PTPRD: variants seen among roughly 807,000 people sequenced by gnomAD.
PTPRD encodes the protein protein tyrosine phosphatase receptor type D.
A neutral mutation model predicts 214.5 loss-of-function variants in PTPRD; 34 were observed. The ratio of observed to expected loss-of-function variants is 0.16; its 90% CI spans 0.12 to 0.21. The LOEUF (loss-of-function observed/expected upper bound fraction) is 0.21, where lower values mean the gene tolerates loss of function less well. Among genes scored for constraint, PTPRD ranks in the 10% least tolerant of loss-of-function variants. The pLI, the probability that PTPRD is intolerant of heterozygous loss-of-function variation, is 1.00. For synonymous variants in PTPRD, 1,128 were observed against 845.7 expected, an observed-to-expected ratio of 1.33 and a Z score of -5.79; for missense variants, 2,545 against 2,398.7, an observed-to-expected ratio of 1.06 and a Z score of -1.27.
intron 3 of PTPRD, among the ~76,000 whole-genome samples, chr9:10,125,376 G>C (rs291301): frequency 6.7e-6 from 1 of 148,302 alleles, no homozygotes; most frequent in African/African-American, 2.5e-5. Context: ...TTTTCTTTTC[G>C]TTTTTATCTT....
chr9:9,322,957 T>C (rs374542993), intron 9 of PTPRD, among the ~76,000 whole-genome samples: 10 of 152,190 alleles, frequency 6.6e-5, no homozygotes, highest in African/African-American at 2.4e-4. Context: ...TCTATTCTGT[T>C]AGGTTTTTAA....
intron 4 of PTPRD, among the ~76,000 whole-genome samples, chr9:9,953,295 A>C (rs2093617479): frequency 6.6e-6 from 1 of 152,130 alleles, no homozygotes; most frequent in Non-Finnish European, 1.5e-5. Flanking sequence ...TATAGGCATG[A>C]ACAGAACAAA....
chr9:10,428,262 C>T (rs583709), intron 2 of PTPRD, among the ~76,000 whole-genome samples: 4,042 of 151,950 alleles, frequency 0.027, 166 homozygotes, highest in African/African-American at 0.091. Flanking sequence ...GATGTTGCAG[C>T]GAGCTGAGAT....
At chr9:10,360,693 T>C (rs928672202) in intron 2 of PTPRD, among the ~76,000 whole-genome samples, 1 of 152,216 alleles carries the variant, frequency 6.6e-6, no homozygotes, top group Non-Finnish European at 1.5e-5. Context: ...AAAGCTTTAT[T>C]TAGCACGGTT....
chr9:9,976,917 T>G (rs6477435), intron 4 of PTPRD, among the ~76,000 whole-genome samples: 116,033 of 151,792 alleles, frequency 0.76, 44,916 homozygotes, highest in Middle Eastern at 0.89. Flanking sequence ...GCGATTGGTT[T>G]GGCAATAAGG....
intron 26 of PTPRD, among the ~76,000 whole-genome samples, chr9:8,496,621 G>C (rs1404300180): frequency 6.6e-6 from 1 of 152,196 alleles, no homozygotes; most frequent in Admixed American, 6.5e-5. Context: ...TATGGGTAAA[G>C]TGAAGAACAG....
intron 24 of PTPRD, among the ~76,000 whole-genome samples, chr9:8,500,239 C>A (rs778449000): frequency 5.3e-5 from 8 of 151,536 alleles, no homozygotes; most frequent in Admixed American, 2.6e-4. Flanking sequence ...TCTTTTTAAA[C>A]GGCAGAATAA....
intron 2 of PTPRD, among the ~76,000 whole-genome samples, chr9:10,596,581 A>G (rs917978317): frequency 1.3e-4 from 19 of 151,756 alleles, no homozygotes; most frequent in African/African-American, 4.6e-4. Context: ...GGCATAATTT[A>G]ATGATTATAT....
At chr9:9,826,009 T>C (rs1383960252) in intron 5 of PTPRD, among the ~76,000 whole-genome samples, 1 of 151,900 alleles carries the variant, frequency 6.6e-6, no homozygotes, top group East Asian at 1.9e-4. Context: ...GCTTCCAATA[T>C]CAGCAGGAAA....
At chr9:8,416,142 G>C (rs899363956) in intron 35 of PTPRD, among the ~76,000 whole-genome samples, 10 of 152,102 alleles carry the variant, frequency 6.6e-5, no homozygotes, top group Middle Eastern at 3.4e-3. Context: ...CTTGGAAATA[G>C]CCTTAATATA....
intron 5 of PTPRD, among the ~76,000 whole-genome samples, chr9:9,935,865 G>C (rs915624843): frequency 3.4e-5 from 5 of 149,234 alleles, no homozygotes; most frequent in African/African-American, 1.0e-4. Flanking sequence ...GCATGGTACT[G>C]GTACCAAAAC....
chr9:9,846,578 A>G (rs2059571022), intron 5 of PTPRD, among the ~76,000 whole-genome samples: 2 of 152,304 alleles, frequency 1.3e-5, no homozygotes, highest in South Asian at 4.1e-4. Flanking sequence ...AACATGGTGT[A>G]CATAAAGAGT....
chr9:9,595,127 C>T (rs532324793), intron 7 of PTPRD, among the ~76,000 whole-genome samples: 4 of 151,460 alleles, frequency 2.6e-5, no homozygotes, highest in Non-Finnish European at 4.4e-5. Context: ...AACGCTTCTA[C>T]GCTGCTGATG....
At chr9:9,719,267 C>T (rs2097891521) in intron 7 of PTPRD, among the ~76,000 whole-genome samples, 1 of 152,106 alleles carries the variant, frequency 6.6e-6, no homozygotes, top group African/African-American at 2.4e-5. Flanking sequence ...AGCTCCTCTC[C>T]ACCATGTTCA....
At chr9:10,593,300 T>C (rs913936212) in intron 2 of PTPRD, among the ~76,000 whole-genome samples, 2 of 152,126 alleles carry the variant, frequency 1.3e-5, no homozygotes, top group Non-Finnish European at 1.5e-5. Context: ...GAGATACCCA[T>C]GCTGCTGTCC....
chr9:8,683,636 G>A (rs1032094827), intron 12 of PTPRD, among the ~76,000 whole-genome samples: 2 of 152,108 alleles, frequency 1.3e-5, no homozygotes, highest in East Asian at 1.9e-4. Context: ...CATATCTCAC[G>A]CCATAAGGTC....
chr9:8,594,490 G>C (rs1247481642), intron 14 of PTPRD, among the ~76,000 whole-genome samples: 1 of 152,100 alleles, frequency 6.6e-6, no homozygotes, highest in Non-Finnish European at 1.5e-5. Flanking sequence ...CTAATCATTT[G>C]ATACGGTTTG....
chr9:8,456,083 T>G (rs936937179), intron 33 of PTPRD, among the ~76,000 whole-genome samples: 1 of 152,138 alleles, frequency 6.6e-6, no homozygotes, highest in Non-Finnish European at 1.5e-5. Context: ...GTAGAAGGAA[T>G]TGAGTTTGTT....
At chr9:10,258,000 G>A (rs2093410206) in intron 3 of PTPRD, among the ~76,000 whole-genome samples, 1 of 152,168 alleles carries the variant, frequency 6.6e-6, no homozygotes, top group African/African-American at 2.4e-5. Context: ...GTAGGTGGCA[G>A]GGGCAGGAAG....
Sources: allele counts gnomAD v4.1 joint callset (sites outside exome capture counted in the v4.1 genomes callset), GRCh38; gene constraint gnomAD v4.1.1; transcripts MANE v1.5; gene names NCBI Gene and HGNC (gene_info 2026-07-23, HGNC 2026-07-21).